PRKCH: variants seen among roughly 807,000 people sequenced by gnomAD.
The protein encoded by PRKCH is protein kinase C eta.
A neutral mutation model predicts 82.5 loss-of-function variants in PRKCH; 28 were observed. That is an observed-to-expected ratio of 0.34 (90% CI 0.25 to 0.47). PRKCH has a LOEUF of 0.47. Among genes scored for constraint, PRKCH ranks in the 20% least tolerant of loss-of-function variants. The pLI, the probability that PRKCH is intolerant of heterozygous loss-of-function variation, is 1.00. For synonymous variants in PRKCH, 322 were observed against 327.4 expected (o/e 0.98, Z 0.18); for missense variants, 705 against 881.8 (o/e 0.80, Z 2.54).
chr14:61,402,778 A>G (rs1298668743), intron 2 of PRKCH, among the ~76,000 whole-genome samples: 2 of 151,954 alleles, frequency 1.3e-5, no homozygotes, highest in African/African-American at 4.8e-5. Context: ...CAGCCTGGTG[A>G]CAGAGCGAAA....
intron 1 of PRKCH, among the ~76,000 whole-genome samples, chr14:61,244,981 T>A (rs1289109604): frequency 6.6e-6 from 1 of 152,146 alleles, no homozygotes; most frequent in Non-Finnish European, 1.5e-5. Flanking sequence ...AAGCAAAACT[T>A]TGGTAAACCT....
intron 2 of PRKCH, among the ~76,000 whole-genome samples, chr14:61,428,082 C>T (rs986342208): frequency 3.4e-5 from 3 of 87,928 alleles, no homozygotes; most frequent in Non-Finnish European, 7.2e-5. Context: ...TAGATACACA[C>T]ACACACACAC....
chr14:61,272,379 A>T (rs2045165353), intron 1 of PRKCH, among the ~76,000 whole-genome samples: 1 of 75,072 alleles, frequency 1.3e-5, no homozygotes, highest in African/African-American at 5.7e-5. Flanking sequence ...TTTGAGACAG[A>T]GTCTTGGTTT....
At position 61,483,254 on chromosome 14, in the gene PRKCH, C is replaced by T. The variant is rs560820851; in HGVS notation, c.1279-2248C>T. Among the ~76,000 whole-genome samples, 11 of 152,338 alleles carry T rather than the reference C, an allele frequency of 7.2e-5. No homozygotes were observed. In the East Asian group the frequency reaches 1.7e-3, roughly 24 times the overall value. On this transcript the variant is annotated intron_variant, in intron 9 of 13. Transcript: ENST00000332981. ...ATCCTCCGCCCAACCTGTTGCTAAC[C>T]TGCTAATTCTACCTTAATCCTTCCC...
chr14:61,532,912 T>A (rs2043058530), intron 12 of PRKCH, among the ~76,000 whole-genome samples: 1 of 152,222 alleles, frequency 6.6e-6, no homozygotes, highest in South Asian at 2.1e-4. Context: ...GCTGCTCCAC[T>A]GATGGAGGCA....
At chr14:61,463,626 T>G (rs2140302897) in intron 9 of PRKCH, among the ~76,000 whole-genome samples, 1 of 152,366 alleles carries the variant, frequency 6.6e-6, no homozygotes, top group South Asian at 2.1e-4. Flanking sequence ...GATCTGTTTT[T>G]CTGATAATCT....
chr14:61,247,735 CAA>C (rs202153655), intron 1 of PRKCH, among the ~76,000 whole-genome samples: 272 of 52,676 alleles, frequency 5.2e-3, no homozygotes, highest in African/African-American at 0.02. Context: ...GACTCCATCT[CAA>C]AAAAAAAAAA....
intron 9 of PRKCH, among the ~76,000 whole-genome samples, chr14:61,465,726 T>C (rs1319219243): frequency 6.6e-6 from 1 of 152,172 alleles, no homozygotes; most frequent in African/African-American, 2.4e-5. Context: ...AGTAGGAAAA[T>C]ATTAGAAACA....
intron 2 of PRKCH, among the ~76,000 whole-genome samples, chr14:61,413,743 G>A (rs145881857): frequency 5.9e-5 from 9 of 151,654 alleles, no homozygotes; most frequent in African/African-American, 1.5e-4. Context: ...TTTTTCATCC[G>A]GATATGTTGA....
At chr14:61,332,856 T>C (rs2045808197) in intron 1 of PRKCH, among the ~76,000 whole-genome samples, 1 of 152,258 alleles carries the variant, frequency 6.6e-6, no homozygotes, top group Admixed American at 6.5e-5. Context: ...CACTCTTTCC[T>C]TACAATGGAC....
At chr14:61,385,598 G>T (rs2046576358) in intron 1 of PRKCH, among the ~76,000 whole-genome samples, 1 of 152,144 alleles carries the variant, frequency 6.6e-6, no homozygotes, top group South Asian at 2.1e-4. Flanking sequence ...TCTTGCTCTT[G>T]CTGGTGAAAG....
intron 4 of PRKCH, among the ~76,000 whole-genome samples, chr14:61,447,620 G>C (rs894024963): frequency 6.6e-6 from 1 of 152,084 alleles, no homozygotes; most frequent in Non-Finnish European, 1.5e-5. Context: ...AATTAAACTA[G>C]AAATCAATTA....
intron 2 of PRKCH, among the ~76,000 whole-genome samples, chr14:61,425,849 G>C (rs1456442475): frequency 6.6e-6 from 1 of 152,096 alleles, no homozygotes; most frequent in Admixed American, 6.5e-5. Context: ...TAGATCATGG[G>C]GGGTGGTTTC....
chr14:61,325,380 G>A (rs7161410), intron 1 of PRKCH, among the ~76,000 whole-genome samples: 50,158 of 152,060 alleles, frequency 0.33, 9,455 homozygotes, highest in African/African-American at 0.5. Flanking sequence ...GGAAATGATA[G>A]TCTTTTCAAC....
chr14:61,479,661 G>A (rs930970392), intron 9 of PRKCH, among the ~76,000 whole-genome samples: 2 of 152,192 alleles, frequency 1.3e-5, no homozygotes, highest in African/African-American at 4.8e-5. Flanking sequence ...TAATGAGGGG[G>A]CCTTAGGGAA....
rs548606676 is a variant in PRKCH, at chr14:61,334,652, C to T, written c.363+12188C>T. Among the ~76,000 whole-genome samples, 21 of 152,226 alleles carry T rather than the reference C, an allele frequency of 1.4e-4. 1 individual carries two copies. The South Asian group carries it at 4.4e-3, about 32-fold the overall frequency. On this transcript the variant is annotated intron_variant, in intron 1 of 13. Transcript: ENST00000332981. ...AGAGAGTCGGCTTGGTGTCAGAAAG[C>T]TCGGGGCATTGTCCCAGATCTGTTG...
intron 12 of PRKCH, among the ~76,000 whole-genome samples, chr14:61,532,855 C>T (rs2043057882): frequency 6.6e-6 from 1 of 152,332 alleles, no homozygotes; most frequent in Non-Finnish European, 1.5e-5. Context: ...TTTTGGGAAG[C>T]TACAAGTCCC....
At chr14:61,303,039 G>T (rs1297218652) in intron 1 of PRKCH, 2 of 115,290 alleles carry the variant, frequency 1.7e-5, no homozygotes, top group Admixed American at 2.0e-4. Flanking sequence ...TTGAGACAGG[G>T]TCTCACTCTG....
chr14:61,370,402 C>T (rs887879060), intron 1 of PRKCH, among the ~76,000 whole-genome samples: 8 of 151,984 alleles, frequency 5.3e-5, no homozygotes, highest in East Asian at 1.9e-4. Context: ...TTGTTAAGTG[C>T]GATGCCAGTT....
Sources: gnomAD v4.1 joint callset for allele counts (sites outside exome capture counted in the v4.1 genomes callset) on GRCh38, gnomAD v4.1.1 for gene constraint, MANE v1.5 for transcripts, NCBI Gene and HGNC (gene_info 2026-07-23, HGNC 2026-07-21) for gene names.